The following MTG2 variants were observed in gnomAD, a reference collection of about 807,000 sequenced individuals.
MTG2 encodes mitochondrial ribosome associated GTPase 2, also known as mitochondrial ribosome-associated GTPase 2.
A neutral mutation model predicts 28.6 loss-of-function variants in MTG2; 23 were observed. That is an observed-to-expected ratio of 0.80 (90% confidence interval 0.58 to 1.14). The LOEUF (loss-of-function observed/expected upper bound fraction) is 1.14. MTG2 is among the 50% of genes most tolerant of loss of function. MTG2 has a pLI of 0.00. For missense variants in MTG2, 539 were observed against 552.0 expected (o/e 0.98, Z 0.24); for synonymous variants, 260 against 251.8 (o/e 1.03, Z -0.31).
At position 62,199,136 on chromosome 20, in the gene MTG2, C is replaced by A; in HGVS notation, c.705C>A (p.Ala235=). ...AHAGMVGFPN[A]GKSSLLRAIS... ...TCCCCCAGGTGGGATTCCCCAACGC[C>A]GGGAAGTCCTCACTGCTCCGGGCCA... The change falls in exon 6 of 7, where the codon GCC becomes GCA. Residue 235 remains alanine (A), a synonymous_variant. Transcript: ENST00000370823. 1 of 1,614,134 alleles carries A rather than the reference C, an allele frequency of 6.2e-7. No individual in the cohort carries two copies. The highest frequency in any genetic ancestry group is 8.5e-7 in the Non-Finnish European group (1 of 1,180,024).
intron 1 of MTG2, among the ~76,000 whole-genome samples, chr20:62,191,426 A>G (rs547569635): frequency 2.2e-4 from 33 of 152,330 alleles, no homozygotes; most frequent in African/African-American, 7.9e-4. Flanking sequence ...AGGGAAGTCC[A>G]GTCGGCGACT....
intron 1 of MTG2, among the ~76,000 whole-genome samples, chr20:62,191,548 A>AC (rs1001802026): frequency 1.6e-4 from 24 of 151,918 alleles, no homozygotes; most frequent in South Asian, 2.1e-4. Context: ...AGAGATAGTG[A>AC]CCCCCCCAAA....
At chr20:62,191,506 C>T (rs931376423) in intron 1 of MTG2, among the ~76,000 whole-genome samples, 1 of 152,136 alleles carries the variant, frequency 6.6e-6, no homozygotes, top group African/African-American at 2.4e-5. Context: ...GTGATTGCCT[C>T]AGAATTAAAG....
rs2057922470 is a variant in MTG2, at chr20:62,189,867, GT to G, written c.-5-3547del. Reference sequence around the variant, plus strand: ...TTTAGTAGAGACGGGGTTTCACCACGTTGGTCAGGCTGGTCTCAAACTCCTG... The same window carrying G: ...TTTAGTAGAGACGGGGTTTCACCACGTGGTCAGGCTGGTCTCAAACTCCTG... On this transcript the variant is annotated intron_variant, in intron 1 of 6. Coordinates refer to ENST00000370823, the MANE Select transcript of MTG2 (RefSeq NM_015666.4). 2.0e-5 allele frequency among the ~76,000 whole-genome samples: 3 copies of G among 152,064 alleles called. No individual in the cohort carries two copies. In the South Asian group the frequency reaches 6.2e-4, roughly 32 times the overall value.
At chr20:62,185,046 G>A (rs2057812422) in intron 1 of MTG2, among the ~76,000 whole-genome samples, 1 of 152,054 alleles carries the variant, frequency 6.6e-6, no homozygotes, top group Non-Finnish European at 1.5e-5. Context: ...TGAGGCGGAG[G>A]TTACAGTGAG....
chr20:62,187,381 A>G lies in MTG2; in HGVS notation c.-6+4324A>G, dbSNP rs768877559. 6.6e-4 allele frequency among the ~76,000 whole-genome samples: 100 copies of G among 152,078 alleles called. 1 individual carries two copies. The highest frequency in any genetic ancestry group is 4.6e-4 in the Admixed American group (7 of 15,270). ...GTTGGATAGTGATCTCACTTCCTCTATTTTCTGAAAAAGCTTGTGTAAGAT... is the reference window on the plus strand; with the variant it reads ...GTTGGATAGTGATCTCACTTCCTCTGTTTTCTGAAAAAGCTTGTGTAAGAT... On this transcript the variant is annotated intron_variant, in intron 1 of 6. Transcript: ENST00000370823.
chr20:62,194,928 G>T (rs1039336026), intron 2 of MTG2, among the ~76,000 whole-genome samples: 1 of 152,258 alleles, frequency 6.6e-6, no homozygotes, highest in Non-Finnish European at 1.5e-5. Context: ...CGGGCACAGT[G>T]GCTCACGCCT....
chr20:62,199,014 C>CT, intron 5 of MTG2, 105 bp from the exon 6 acceptor site: 1 of 1,568,628 alleles, frequency 6.4e-7, no homozygotes, highest in Non-Finnish European at 8.7e-7. Context: ...GCCCTTGTGA[C>CT]TCCCCCAGCC....
chr20:62,190,390 T>A (rs2057933838), intron 1 of MTG2, among the ~76,000 whole-genome samples: 1 of 152,236 alleles, frequency 6.6e-6, no homozygotes, highest in African/African-American at 2.4e-5. Flanking sequence ...AATAGTATTT[T>A]ATATTTACCA....
chr20:62,193,903 G>A (rs551326365), intron 2 of MTG2: 1 of 423,894 alleles, frequency 2.4e-6, no homozygotes, highest in South Asian at 2.6e-5. Flanking sequence ...TTACATGTAT[G>A]TTACATATAT....
intron 2 of MTG2, 138 bp downstream of exon 2, chr20:62,193,762 A>T: frequency 1.2e-6 from 1 of 845,490 alleles, no homozygotes; most frequent in Non-Finnish European, 1.8e-6. Context: ...GAGCTTCTTG[A>T]AAATGACAGG....
At chr20:62,197,559 ACT>A in intron 3 of MTG2, 1 of 271,648 alleles carries the variant, frequency 3.7e-6, no homozygotes, top group Non-Finnish European at 7.2e-6. Context: ...TTATATTCAC[ACT>A]CAGCATAGAC....
intron 1 of MTG2, among the ~76,000 whole-genome samples, chr20:62,185,680 A>C (rs6142983): frequency 0.31 from 46,496 of 152,008 alleles, 7,187 homozygotes; most frequent in Non-Finnish European, 0.34. Flanking sequence ...GTGTTCTAAT[A>C]TGTGCTGTCC....
intron 1 of MTG2, among the ~76,000 whole-genome samples, chr20:62,190,892 G>A (rs2057945557): frequency 6.6e-6 from 1 of 152,210 alleles, no homozygotes; most frequent in African/African-American, 2.4e-5. Flanking sequence ...CAAGGGGAGG[G>A]TGTCCCATGG....
intron 1 of MTG2, among the ~76,000 whole-genome samples, chr20:62,189,313 AAAAG>A (rs1696713609): frequency 6.6e-6 from 1 of 152,044 alleles, no homozygotes; most frequent in Admixed American, 6.5e-5. Context: ...TCAAAAAAAA[AAAAG>A]AAAAAAAAGT....
At chr20:62,198,880 TGCACACACTCA>T in intron 5 of MTG2, 28 bp downstream of exon 5, 15 of 1,612,578 alleles carry the variant, frequency 9.3e-6, no homozygotes, top group Non-Finnish European at 1.2e-5. Context: ...CAACAGCATC[TGCACACACTCA>T]GCTCTAGAAA....
chr20:62,189,905 C>T (rs938896283), intron 1 of MTG2, among the ~76,000 whole-genome samples: 3 of 152,080 alleles, frequency 2.0e-5, no homozygotes, highest in African/African-American at 4.8e-5. Flanking sequence ...CCTCGTGGTC[C>T]GCCCGCTTCA....
rs1030605269 is a variant in MTG2, at chr20:62,183,046, T to A, written c.-17T>A. On this transcript the variant is annotated 5_prime_UTR_variant, in exon 1 of 7. Transcript: ENST00000370823. Reference sequence around the variant, plus strand: ...TTGCGACGCTCCGGAAGTGACGTGCTTTCCCGAGCCGGTGAGTGCGGGAGC... The same window carrying A: ...TTGCGACGCTCCGGAAGTGACGTGCATTCCCGAGCCGGTGAGTGCGGGAGC... 1 of 148,146 alleles carries A rather than the reference T, an allele frequency of 6.8e-6. No homozygotes were observed. Among genetic ancestry groups the A allele is most frequent in the Non-Finnish European group, 1.5e-5 (1 of 68,044 alleles). The allele number at this position is 148,146 out of a possible 1,614,324, so 9.2% of individuals were successfully genotyped here. A position where few individuals can be genotyped will look rare whatever the true frequency, so the allele number is the denominator to read the frequency against.
In MTG2 at chr20:62,198,811, G is replaced by A; in HGVS notation, c.646G>A (p.Val216Ile). 1 of 1,614,184 alleles carries A rather than the reference G, an allele frequency of 6.2e-7. No homozygotes were observed. Among genetic ancestry groups the A allele is most frequent in the Non-Finnish European group, 8.5e-7 (1 of 1,180,050 alleles). Residue 216 changes from valine to isoleucine, a missense_variant, in exon 5 of 7, where the codon GTT (valine) becomes ATT (isoleucine). Coordinates refer to ENST00000370823, the MANE Select transcript of MTG2 (RefSeq NM_015666.4). ...CCCTGGACAGCCAGGACAGCAGCGA[G>A]TTCTCCACCTGGAGCTCAAGACGGT... ...CTPGQPGQQRVLHLELKTVAH... is the reference protein window; with the variant it reads ...CTPGQPGQQRILHLELKTVAH...
Sources: gnomAD v4.1 joint callset for allele counts (sites outside exome capture counted in the v4.1 genomes callset) on GRCh38, gnomAD v4.1.1 for gene constraint, MANE v1.5 for transcripts, NCBI Gene and HGNC (gene_info 2026-07-23, HGNC 2026-07-21) for gene names.